Variants in HDLBP observed in about 807,000 individuals in gnomAD.
HDLBP encodes the protein vigilin.
Under a neutral mutation model 137.3 loss-of-function variants are expected in HDLBP, and 30 were observed. That is an observed-to-expected ratio of 0.22 (90% CI 0.16 to 0.30). HDLBP has a LOEUF of 0.30. HDLBP is among the 10% of genes least tolerant of loss of function. The pLI is 1.00. For synonymous variants in HDLBP, 606 were observed against 596.0 expected, an observed-to-expected ratio of 1.02 and a Z score of -0.24; for missense variants, 1,119 against 1,667.3, an observed-to-expected ratio of 0.67 and a Z score of 5.73.
rs569118064 is a variant in HDLBP at position 241,250,413 on chromosome 2, G to A, written c.1373-433C>T. On this transcript the variant is annotated intron_variant, in intron 11 of 27. Coordinates refer to ENST00000310931, the MANE Select transcript of HDLBP (RefSeq NM_005336.6). ...ACTCCACACAAAAGCACTCACTGACGCCTAAGAGCCTTGTGGGGCCCATGC... is the reference window on the plus strand; with the variant it reads ...ACTCCACACAAAAGCACTCACTGACACCTAAGAGCCTTGTGGGGCCCATGC... The A allele has an allele frequency of 1.7e-4, 26 of 157,300 alleles. No individual in the cohort carries two copies. The South Asian group carries it at 4.1e-3, about 25-fold the overall frequency. 9.7% of individuals were successfully genotyped at this position (157,300 alleles called of 1,614,324 possible). A position where few individuals can be genotyped will look rare whatever the true frequency, so the allele number is the denominator to read the frequency against.
chr2:241,277,467 T>C (rs1338632814), intron 1 of HDLBP, among the ~76,000 whole-genome samples: 1 of 152,082 alleles, frequency 6.6e-6, no homozygotes, highest in East Asian at 1.9e-4. Flanking sequence ...GTAGGCAATA[T>C]TAAGAATTAA....
chr2:241,305,493 AC>A (rs1429346995), intron 1 of HDLBP, among the ~76,000 whole-genome samples: 3 of 152,202 alleles, frequency 2.0e-5, no homozygotes, highest in South Asian at 4.1e-4. Flanking sequence ...TCAAGGACTG[AC>A]CCTTTACAGC....
intron 3 of HDLBP, among the ~76,000 whole-genome samples, chr2:241,265,330 A>G (rs1000413092): frequency 6.6e-6 from 1 of 152,218 alleles, no homozygotes; most frequent in African/African-American, 2.4e-5. Context: ...AGGCAGAACA[A>G]TCGCTTGAAC....
At position 241,240,116 on chromosome 2, in the gene HDLBP, T is replaced by C; in HGVS notation, c.2176A>G (p.Lys726Glu). The C allele has an allele frequency of 6.2e-7, 1 of 1,614,180 alleles. No homozygotes were observed. The highest frequency in any genetic ancestry group is 8.5e-7 in the Non-Finnish European group (1 of 1,180,028). ...GCGCGGATGTCAACAGTGAAACTCT[T>C]GGTTTGCTGCAGAAACCAATCCCAC... ...LLHLAEEKQT[K>E]SFTVDIRAKP... The change falls in exon 18 of 28, where the codon AAG becomes GAG. Residue 726 changes from lysine (K) to glutamate (E), a missense_variant. By Grantham distance (56) the Lys-to-Glu change is moderately conservative. Transcript: ENST00000310931. This position sits in a 1 kb window ranked among gnomAD's most constrained non-coding sequence, Gnocchi z 5.5.
intron 1 of HDLBP, among the ~76,000 whole-genome samples, chr2:241,280,416 G>C (rs2149613822): frequency 6.6e-6 from 1 of 152,280 alleles, no homozygotes; most frequent in Non-Finnish European, 1.5e-5. Flanking sequence ...GTTCAGATGA[G>C]ACAGAAACAA....
intron 1 of HDLBP, among the ~76,000 whole-genome samples, chr2:241,276,391 A>C (rs1559537553): frequency 2.0e-5 from 3 of 152,196 alleles, no homozygotes; most frequent in Admixed American, 1.3e-4. Flanking sequence ...CTGTATTAAT[A>C]ATTGTTAAAG....
Position 241,246,902 on chromosome 2 carries a change from C to A in HDLBP, c.1819-19G>T, listed in dbSNP as rs1189766650. The A allele has an allele frequency of 6.2e-7, 1 of 1,613,728 alleles. No homozygotes were observed. The highest frequency in any genetic ancestry group is 8.5e-7 in the Non-Finnish European group (1 of 1,179,772). ...CACGAATCTACAGGGAGAGAGATCA[C>A]CATGAGAAGCTGACTAGAGCTCTCC... On this transcript the variant is annotated intron_variant, in intron 15 of 27. Transcript: ENST00000310931.
chr2:241,298,107 T>C (rs1397929799), intron 1 of HDLBP, among the ~76,000 whole-genome samples: 1 of 131,744 alleles, frequency 7.6e-6, no homozygotes, highest in Non-Finnish European at 1.6e-5. Context: ...GGCTCATGCC[T>C]GTAATCCTAG....
chr2:241,277,737 G>A (rs113638760), intron 1 of HDLBP, among the ~76,000 whole-genome samples: 2,639 of 151,970 alleles, frequency 0.017, 52 homozygotes, highest in African/African-American at 0.047. Context: ...CGAGGCGGGC[G>A]GATCACCTGA....
chr2:241,256,856 A>G, intron 5 of HDLBP, 50 bp from the exon 6 acceptor site: 2 of 1,513,338 alleles, frequency 1.3e-6, no homozygotes, highest in Non-Finnish European at 1.8e-6. Flanking sequence ...TAGGTTCTGA[A>G]GGAGCATATT....
chr2:241,259,917 A>G lies in HDLBP; in HGVS notation c.450+2794T>C, dbSNP rs558449242. ...CTCAAAAGGTTCAGAGTTCAGAGAG[A>G]AACAGCTGACTCAAGGTCTGTGGAA... On this transcript the variant is annotated intron_variant, in intron 5 of 27. Coordinates refer to ENST00000310931, the MANE Select transcript of HDLBP (RefSeq NM_005336.6). 1.5e-4 allele frequency among the ~76,000 whole-genome samples: 23 copies of G among 152,338 alleles called. No individual in the cohort carries two copies. The South Asian group carries it at 4.1e-3, about 27-fold the overall frequency.
At chr2:241,306,692 G>A (rs2075587709) in intron 1 of HDLBP, among the ~76,000 whole-genome samples, 1 of 151,982 alleles carries the variant, frequency 6.6e-6, no homozygotes, top group Admixed American at 6.6e-5. Flanking sequence ...CAGATCATTT[G>A]AGGTCAGGAA....
At position 241,304,849 on chromosome 2, in the gene HDLBP, T is replaced by G. The variant is rs1165250997; in HGVS notation, c.-103+10721A>C. 2.0e-5 allele frequency among the ~76,000 whole-genome samples: 3 copies of G among 152,334 alleles called. No individual in the cohort carries two copies. The East Asian group carries it at 5.8e-4, about 29-fold the overall frequency. On this transcript the variant is annotated intron_variant, in intron 1 of 27. Coordinates refer to ENST00000310931, the MANE Select transcript of HDLBP (RefSeq NM_005336.6). ...TCTGTCAAGATGGAATGTTTAAATGTGTGAACTTCTAAAAGTTAAGGGCCA... is the reference window on the plus strand; with the variant it reads ...TCTGTCAAGATGGAATGTTTAAATGGGTGAACTTCTAAAAGTTAAGGGCCA...
chr2:241,314,700 G>T (rs1424958842), intron 1 of HDLBP, among the ~76,000 whole-genome samples: 1 of 152,168 alleles, frequency 6.6e-6, no homozygotes, highest in East Asian at 1.9e-4. Context: ...TAAGTCGAAT[G>T]GAGAGGATAT....
intron 16 of HDLBP, among the ~76,000 whole-genome samples, chr2:241,243,160 G>C (rs1229540381): frequency 6.6e-6 from 1 of 152,144 alleles, no homozygotes; most frequent in Non-Finnish European, 1.5e-5. Context: ...CAAGACCCTG[G>C]AGACAGGAAA....
chr2:241,287,668 T>C (rs138292657), intron 1 of HDLBP, among the ~76,000 whole-genome samples: 102 of 152,156 alleles, frequency 6.7e-4, no homozygotes, highest in Non-Finnish European at 1.2e-3. Flanking sequence ...GTGATCTGCC[T>C]GCCTTGGCCT....
chr2:241,299,548 C>A (rs935833776), intron 1 of HDLBP, among the ~76,000 whole-genome samples: 5 of 147,648 alleles, frequency 3.4e-5, no homozygotes, highest in Admixed American at 3.4e-4. Context: ...AAACTAAACA[C>A]CCTAATTTGG....
chr2:241,235,386 CAGG>C (rs1003378007), intron 22 of HDLBP, 101 bp downstream of exon 22: 26 of 1,465,396 alleles, frequency 1.8e-5, no homozygotes, highest in Middle Eastern at 1.8e-4. Flanking sequence ...CCAGTCCGAG[CAGG>C]AGGAGGCAGA....
intron 14 of HDLBP, chr2:241,247,549 C>T (rs2071777389): frequency 7.2e-6 from 2 of 279,692 alleles, no homozygotes; most frequent in South Asian, 1.0e-4. Context: ...TAAGGTGAAG[C>T]CCACGGAAAT....
Sources: allele counts gnomAD v4.1 joint callset (sites outside exome capture counted in the v4.1 genomes callset), GRCh38; gene constraint gnomAD v4.1.1; non-coding constraint Gnocchi (gnomAD v3.1); transcripts MANE v1.5; gene names NCBI Gene and HGNC (gene_info 2026-07-23, HGNC 2026-07-21).